Variants in TMEM74 observed in about 807,000 individuals in gnomAD.
TMEM74 encodes transmembrane protein 74.
Under a neutral mutation model 18.1 loss-of-function variants are expected in TMEM74, and 13 were observed. The ratio of observed to expected loss-of-function variants is 0.72; its 90% CI spans 0.47 to 1.14. The LOEUF (loss-of-function observed/expected upper bound fraction) is 1.14. Ranked by LOEUF, TMEM74 falls within the 50% of genes most tolerant of loss-of-function variation. The pLI is 0.00. For synonymous variants in TMEM74, 159 were observed against 146.6 expected, an observed-to-expected ratio of 1.08 and a Z score of -0.61; for missense variants, 372 against 375.9, an observed-to-expected ratio of 0.99 and a Z score of 0.09.
intron 1 of TMEM74, among the ~76,000 whole-genome samples, chr8:108,743,605 T>C (rs922583485): frequency 3.3e-5 from 5 of 152,290 alleles, no homozygotes. Context: ...TTTATAGCAT[T>C]GTAAAGTTAC....
At chr8:108,675,782 CA>C (rs1427128320) in intron 1 of TMEM74, among the ~76,000 whole-genome samples, 1 of 152,204 alleles carries the variant, frequency 6.6e-6, no homozygotes, top group Non-Finnish European at 1.5e-5. Context: ...TACACTTAGA[CA>C]AACAGGGCAT....
chr8:108,661,938 G>A (rs1246498377), intron 1 of TMEM74, among the ~76,000 whole-genome samples: 1 of 152,054 alleles, frequency 6.6e-6, no homozygotes, highest in African/African-American at 2.4e-5. Context: ...AGATGAGACT[G>A]GTGAAAAAGG....
intron 1 of TMEM74, among the ~76,000 whole-genome samples, chr8:108,662,882 C>T (rs572879320): frequency 2.0e-5 from 3 of 152,108 alleles, no homozygotes; most frequent in Non-Finnish European, 4.4e-5. Flanking sequence ...CTCTGACTCA[C>T]CCTGTTTACC....
intron 2 of TMEM74, among the ~76,000 whole-genome samples, chr8:108,627,956 G>T (rs1011015155): frequency 5.9e-5 from 9 of 152,046 alleles, no homozygotes; most frequent in Non-Finnish European, 1.3e-4. Context: ...TCACGAGGCT[G>T]ATGAGGCAGG....
chr8:108,747,598 C>T (rs1460149905), intron 1 of TMEM74, among the ~76,000 whole-genome samples: 2 of 151,820 alleles, frequency 1.3e-5, no homozygotes, highest in Admixed American at 1.3e-4. Flanking sequence ...GGTACATGTG[C>T]AGGTTTGTTA....
downstream of TMEM74, among the ~76,000 whole-genome samples, chr8:108,774,273 T>C (rs1280195989): frequency 6.6e-6 from 1 of 152,210 alleles, no homozygotes; most frequent in African/African-American, 2.4e-5. Context: ...CAGCTGGATG[T>C]GGCAATAATA....
intron 1 of TMEM74, among the ~76,000 whole-genome samples, chr8:108,668,321 A>G (rs1320330325): frequency 1.3e-5 from 2 of 152,240 alleles, no homozygotes; most frequent in Non-Finnish European, 2.9e-5. Flanking sequence ...ATATAAAGGC[A>G]CATTTATATT....
At position 108,784,452 on chromosome 8, in the gene TMEM74, C is replaced by A. The variant is rs565869013; in HGVS notation, c.647G>T (p.Arg216Leu). 2 of 1,614,204 alleles carry A rather than the reference C, an allele frequency of 1.2e-6. No individual in the cohort carries two copies. Among genetic ancestry groups the A allele is most frequent in the South Asian group, 2.2e-5 (2 of 91,084 alleles). Reference protein sequence around the residue: ...PNTVAAREMERLEKESARLGA... With the variant: ...PNTVAAREMELLEKESARLGA... The stretch of plus-strand genomic sequence containing the variant: ...CAGCCTCGCACTCTCCTTCTCCAGG[C>A]GCTCCATCTCCCGGGCTGCCACAGT... Residue 216 changes from arginine (R) to leucine (L), a missense_variant, in exon 2 of 2, where the codon CGC becomes CTC. Arg to Leu is a moderately radical substitution (Grantham distance 102). Coordinates refer to ENST00000297459, the MANE Select transcript of TMEM74 (RefSeq NM_153015.3).
chr8:108,626,762 A>G (rs1284552124), intron 2 of TMEM74: 1 of 151,912 alleles, frequency 6.6e-6, no homozygotes, highest in Admixed American at 6.6e-5. Flanking sequence ...TTCTTGCTAG[A>G]CCCTATCTGT....
intron 1 of TMEM74, among the ~76,000 whole-genome samples, chr8:108,739,431 T>C (rs1297728868): frequency 2.0e-5 from 3 of 152,178 alleles, no homozygotes; most frequent in Admixed American, 6.5e-5. Context: ...GCTTTACTGT[T>C]AGGAAAAAGT....
At chr8:108,727,369 A>G (rs78618377) in intron 1 of TMEM74, among the ~76,000 whole-genome samples, 2,137 of 152,318 alleles carry the variant, frequency 0.014, 44 homozygotes, top group African/African-American at 0.048. Context: ...CTTGATTAGG[A>G]GGACAACAGT....
chr8:108,670,560 T>A (rs945692388), intron 1 of TMEM74, among the ~76,000 whole-genome samples: 1 of 152,184 alleles, frequency 6.6e-6, no homozygotes, highest in African/African-American at 2.4e-5. Flanking sequence ...GAGTAGTGAT[T>A]TATTTTGATA....
At chr8:108,739,153 A>G (rs1199037745) in intron 1 of TMEM74, among the ~76,000 whole-genome samples, 1 of 152,206 alleles carries the variant, frequency 6.6e-6, no homozygotes, top group African/African-American at 2.4e-5. Flanking sequence ...AAATAAATAA[A>G]TAACAATTAC....
intron 2 of TMEM74, among the ~76,000 whole-genome samples, chr8:108,634,212 A>G (rs1328694299): frequency 6.6e-6 from 1 of 151,940 alleles, no homozygotes; most frequent in Non-Finnish European, 1.5e-5. Flanking sequence ...GAATAACTGG[A>G]GAAGCCACAA....
intron 2 of TMEM74, among the ~76,000 whole-genome samples, chr8:108,630,498 C>T (rs1057438915): frequency 2.0e-5 from 3 of 152,094 alleles, no homozygotes; most frequent in Non-Finnish European, 2.9e-5. Context: ...ATGTACAGAA[C>T]TCTCCATCCC....
intron 2 of TMEM74, among the ~76,000 whole-genome samples, chr8:108,642,476 A>G (rs1812675812): frequency 6.6e-6 from 1 of 152,138 alleles, no homozygotes. Flanking sequence ...GTCCTAGAAA[A>G]CAATCGACAA....
rs763421010 is a variant in TMEM74 at position 108,783,412 on chromosome 8, C to CA, written c.*768dup. 1.1e-4 allele frequency: 16 copies of CA among 152,264 alleles called. No homozygotes were observed. In the South Asian group the frequency reaches 2.1e-3, roughly 20 times the overall value. The allele number at this position is 152,264 out of a possible 1,614,324, so 9.4% of individuals were successfully genotyped here. On this transcript the variant is annotated 3_prime_UTR_variant, in exon 2 of 2. Coordinates refer to ENST00000297459, the MANE Select transcript of TMEM74 (RefSeq NM_153015.3). ...AGAGCACAGATAACCAGTATGATGG[C>CA]AAAATCACAAAATATAAAACTTATA...
chr8:108,641,219 A>G (rs1812662100), intron 2 of TMEM74, among the ~76,000 whole-genome samples: 1 of 152,216 alleles, frequency 6.6e-6, no homozygotes, highest in Non-Finnish European at 1.5e-5. Context: ...TTGCCTGGAA[A>G]TCTGAGTGCT....
At chr8:108,632,190 C>T (rs1282960700) in intron 2 of TMEM74, among the ~76,000 whole-genome samples, 1 of 151,784 alleles carries the variant, frequency 6.6e-6, no homozygotes, top group Non-Finnish European at 1.5e-5. Flanking sequence ...TGATACAGGA[C>T]ATGTGAATGA....
Sources: allele counts gnomAD v4.1 joint callset (sites outside exome capture counted in the v4.1 genomes callset), GRCh38; gene constraint gnomAD v4.1.1; transcripts MANE v1.5; gene names NCBI Gene and HGNC (gene_info 2026-07-23, HGNC 2026-07-21).